AP1M1: variants seen among roughly 807,000 people sequenced by gnomAD.
AP1M1 encodes the protein AP-1 complex subunit mu-1.
In AP1M1, 18 loss-of-function variants were observed where a neutral mutation model predicts 57.1. That is an observed-to-expected ratio of 0.32 (90% CI 0.22 to 0.47). AP1M1 has a LOEUF of 0.47. Among genes scored for constraint, AP1M1 ranks in the 20% least tolerant of loss-of-function variants. The pLI is 1.00. For missense variants in AP1M1, 362 were observed against 593.5 expected, an observed-to-expected ratio of 0.61 and a Z score of 4.05; for synonymous variants, 241 against 237.9, an observed-to-expected ratio of 1.01 and a Z score of -0.12.
At chr19:16,205,982 G>A (rs2091467836) in intron 2 of AP1M1, among the ~76,000 whole-genome samples, 1 of 152,162 alleles carries the variant, frequency 6.6e-6, no homozygotes, top group Non-Finnish European at 1.5e-5. Flanking sequence ...AGCTTTGGAG[G>A]AGCAGGGCCA....
At chr19:16,226,683 T>TGTCTCAAGCAGTG in intron 6 of AP1M1, 136 bp downstream of exon 6, 2 of 1,103,922 alleles carry the variant, frequency 1.8e-6, no homozygotes, top group Non-Finnish European at 2.5e-6. Flanking sequence ...TTCACACTGC[T>TGTCTCAAGCAGTG]TGAGACAGCT....
At chr19:16,222,204 TATTA>T (rs2091547992) in intron 5 of AP1M1, among the ~76,000 whole-genome samples, 118 of 133,510 alleles carry the variant, frequency 8.8e-4, no homozygotes, top group Middle Eastern at 3.8e-3. Flanking sequence ...TTACTATTAT[TATTA>T]TTATTTTTTT....
At chr19:16,218,161 C>G (rs1229629823) in intron 5 of AP1M1, among the ~76,000 whole-genome samples, 1 of 152,256 alleles carries the variant, frequency 6.6e-6, no homozygotes, top group Non-Finnish European at 1.5e-5. Flanking sequence ...TCTGGGCGCA[C>G]TGCCCATGGG....
chr19:16,231,675 C>T (rs945538707), intron 9 of AP1M1, among the ~76,000 whole-genome samples: 2 of 152,176 alleles, frequency 1.3e-5, no homozygotes, highest in Non-Finnish European at 2.9e-5. Flanking sequence ...CTTCGGCCTC[C>T]CAAAGCACTG....
rs556098749 is a variant in AP1M1 at position 16,228,157 on chromosome 19, C to G, written c.837C>G (p.Ile279Met). 6.2e-7 allele frequency: 1 copy of G among 1,613,878 alleles called. No homozygotes were observed. Among genetic ancestry groups the G allele is most frequent in the East Asian group, 2.2e-5 (1 of 44,868 alleles). The change falls in exon 8 of 12, where the codon ATC (isoleucine) becomes ATG (methionine). Residue 279 changes from isoleucine (I) to methionine (M), a missense_variant. By Grantham distance (10) the Ile-to-Met change is conservative. Transcript: ENST00000291439. The surrounding 1 kb of genome is among the most constrained non-coding windows in gnomAD (Gnocchi z 5.0). The stretch of plus-strand genomic sequence containing the variant: ...GGCAGGTCAAGCCTTTGATATGGAT[C>G]GAGTCGGTGATCGAGAAGCACTCCC... Reference protein sequence around the residue: ...LNTHVKPLIWIESVIEKHSHS... With the variant: ...LNTHVKPLIWMESVIEKHSHS...
Position 16,214,052 on chromosome 19 carries a change from C to CTTTTTTTTTTTTTTTTTTT in AP1M1, c.546+4889_546+4890insTTTTTTTTTTTTTTTTTTT, listed in dbSNP as rs71178658. ...AGTAATGGCCTTTTCTTTCCTTTTTCTTTTTTTTTTTTTTGAGACAAAGTC... is the reference window on the plus strand; with the variant it reads ...AGTAATGGCCTTTTCTTTCCTTTTTCTTTTTTTTTTTTTTTTTTTTTTTTTTTTTTTTTGAGACAAAGTC... On this transcript the variant is annotated intron_variant, in intron 5 of 11. Coordinates refer to ENST00000291439, the MANE Select transcript of AP1M1 (RefSeq NM_032493.4). Among the ~76,000 whole-genome samples, 2 of 139,512 alleles carry CTTTTTTTTTTTTTTTTTTT rather than the reference C, an allele frequency of 1.4e-5. 1 individual carries two copies. Among genetic ancestry groups the CTTTTTTTTTTTTTTTTTTT allele is most frequent in the Non-Finnish European group, 3.1e-5 (2 of 65,322 alleles). 91.5% of individuals were successfully genotyped at this position (139,512 alleles called of 152,430 possible). A position where few individuals can be genotyped will look rare whatever the true frequency, so the allele number is the denominator to read the frequency against.
At chr19:16,220,319 A>G (rs1316918610) in intron 5 of AP1M1, among the ~76,000 whole-genome samples, 1 of 152,082 alleles carries the variant, frequency 6.6e-6, no homozygotes, top group Non-Finnish European at 1.5e-5. Context: ...TCAAGTGATC[A>G]TCCCGCCTCA....
intron 1 of AP1M1, 134 bp downstream of exon 1, chr19:16,198,202 A>G (rs2091432406): frequency 3.4e-6 from 3 of 892,178 alleles, no homozygotes; most frequent in Admixed American, 3.0e-5. Context: ...GGTAGACCTC[A>G]CCTGAGAGCC....
rs1020153572 is a variant in AP1M1 at position 16,227,227 on chromosome 19, G to A, written c.674-321G>A. On this transcript the variant is annotated intron_variant, in intron 6 of 11. Coordinates refer to ENST00000291439, the MANE Select transcript of AP1M1 (RefSeq NM_032493.4). The surrounding 1 kb of genome is among the most constrained non-coding windows in gnomAD (Gnocchi z 6.2). ...AGGGCCTGAGCCCTTGGGGAGCCCC[G>A]AGCCATCCCCCAGCCAAGTCCACTG... Among the ~76,000 whole-genome samples, 2 of 152,078 alleles carry A rather than the reference G, an allele frequency of 1.3e-5. No homozygotes were observed. Among genetic ancestry groups the A allele is most frequent in the African/African-American group, 4.8e-5 (2 of 41,418 alleles).
rs2091607944 is a variant in AP1M1, at chr19:16,233,520, C to T, written c.1075C>T (p.His359Tyr). The change falls in exon 10 of 12, where the codon CAC (histidine) becomes TAC (tyrosine). Residue 359 changes from histidine (H) to tyrosine (Y), a missense_variant. Around this residue, in one of 2 missense-constraint regions of AP1M1, gnomAD observed 337 missense variants for 511.1 expected, o/e 0.66. Coordinates refer to ENST00000291439, the MANE Select transcript of AP1M1 (RefSeq NM_032493.4). ...PGGKEYLMRA[H>Y]FGLPSVEAED... The stretch of plus-strand genomic sequence containing the variant: ...CGGCAAGGAGTACCTGATGCGGGCC[C>T]ACTTCGGCCTGCCTAGTGTGGAGGC... 1 of 1,605,190 alleles carries T rather than the reference C, an allele frequency of 6.2e-7. No homozygotes were observed.
rs898322217 is a variant in AP1M1, at chr19:16,242,407, A to T, written c.*7972A>T. 6.6e-6 allele frequency: 1 copy of T among 152,204 alleles called. No individual in the cohort carries two copies. The highest frequency in any genetic ancestry group is 6.5e-5 in the Admixed American group (1 of 15,280). 9.4% of individuals were successfully genotyped at this position (152,204 alleles called of 1,614,324 possible). A position where few individuals can be genotyped will look rare whatever the true frequency, so the allele number is the denominator to read the frequency against. On this transcript the variant is annotated 3_prime_UTR_variant, in exon 12 of 12. Coordinates refer to ENST00000291439, the MANE Select transcript of AP1M1 (RefSeq NM_032493.4). ...TAATAGTACTTAAAACTGCACTGGG[A>T]CTTTTGGGACACCCCTAGCATCTCT...
At chr19:16,226,388 G>T (rs2091571341) in intron 5 of AP1M1, 33 bp from the exon 6 acceptor site, 19 of 1,511,292 alleles carry the variant, frequency 1.3e-5, no homozygotes, top group Non-Finnish European at 1.7e-5. Flanking sequence ...GTGAGTTGGG[G>T]ACCTCCCCTC....
At chr19:16,226,789 C>A in intron 6 of AP1M1, 2 of 469,666 alleles carry the variant, frequency 4.3e-6, no homozygotes, top group South Asian at 3.3e-5. Flanking sequence ...GCCTCACACG[C>A]CAGGTCCTGC....
chr19:16,203,329 C>G lies in AP1M1; in HGVS notation c.43-130C>G, dbSNP rs1168660097. The G allele has an allele frequency of 7.8e-6, 7 of 896,892 alleles. No homozygotes were observed. The highest frequency in any genetic ancestry group is 5.2e-5 in the East Asian group (2 of 38,378). The allele number at this position is 896,892 out of a possible 1,614,324, so 55.6% of individuals were successfully genotyped here. On this transcript the variant is annotated intron_variant, in intron 1 of 11. Transcript: ENST00000291439. This position sits in a 1 kb window ranked among gnomAD's most constrained non-coding sequence, Gnocchi z 4.6. Reference sequence around the variant, plus strand: ...GATCAGAACGGCCTCAAGTCCTGCTCTTTTGCGGATAGTGGCCATGACCGG... The same window carrying G: ...GATCAGAACGGCCTCAAGTCCTGCTGTTTTGCGGATAGTGGCCATGACCGG...
Position 16,208,012 on chromosome 19 carries a change from G to A in AP1M1, c.268-7G>A, listed in dbSNP as rs774638038. ...CCCATTCCTCCCTCCCTCCCCAACC[G>A]CCACAGGTGTTTTCCGAGTACTTCA... is the stretch of plus-strand genomic sequence containing the variant. On this transcript the variant is annotated splice_polypyrimidine_tract_variant and splice_region_variant and intron_variant, in intron 3 of 11. Coordinates refer to ENST00000291439, the MANE Select transcript of AP1M1 (RefSeq NM_032493.4). 9.3e-6 allele frequency: 15 copies of A among 1,607,946 alleles called. No homozygotes were observed. The highest frequency in any genetic ancestry group is 8.9e-5 in the East Asian group (4 of 44,814).
chr19:16,234,409 C>T lies in AP1M1; in HGVS notation c.1250-4C>T. The T allele has an allele frequency of 3.7e-6, 6 of 1,613,954 alleles. No individual in the cohort carries two copies. The highest frequency in any genetic ancestry group is 5.1e-6 in the Non-Finnish European group (6 of 1,179,966). ...CAGCATGACGCCTCCCTCCTGTCTC[C>T]TAGATTACCAGCTCCGGACCCAGTG... On this transcript the variant is annotated splice_polypyrimidine_tract_variant and splice_region_variant and intron_variant, in intron 11 of 11. Transcript: ENST00000291439.
At chr19:16,232,546 T>G (rs1344458607) in intron 9 of AP1M1, among the ~76,000 whole-genome samples, 1 of 152,346 alleles carries the variant, frequency 6.6e-6, no homozygotes, top group East Asian at 1.9e-4. Context: ...GTTGCTGATG[T>G]CGCATCTTCC....
In AP1M1 at chr19:16,198,050, G is replaced by T; in HGVS notation, c.24G>T (p.Val8=). ...TCATGTCCGCCAGCGCCGTCTACGT[G>T]CTGGACCTGAAGGGCAAGGTACTGA... is the stretch of plus-strand genomic sequence containing the variant. MSASAVY[V]LDLKGKVLIC... The change falls in exon 1 of 12, where the codon GTG becomes GTT. Residue 8 remains valine (V), a synonymous_variant. Transcript: ENST00000291439. 6.3e-7 allele frequency: 1 copy of T among 1,586,338 alleles called. No homozygotes were observed. The highest frequency in any genetic ancestry group is 1.1e-5 in the South Asian group (1 of 89,292).
rs1041458494 is a variant in AP1M1, at chr19:16,243,951, T to A, written c.*9516T>A. ...AAACGAGAGTCTGTCTCCAAATAAATAATTAGAGAATATTTTTCAATCTGG... is the reference window on the plus strand; with the variant it reads ...AAACGAGAGTCTGTCTCCAAATAAAAAATTAGAGAATATTTTTCAATCTGG... On this transcript the variant is annotated 3_prime_UTR_variant, in exon 12 of 12. Transcript: ENST00000291439. The A allele has an allele frequency of 1.3e-5, 2 of 152,114 alleles. No homozygotes were observed. The highest frequency in any genetic ancestry group is 2.1e-4 in the South Asian group (1 of 4,818). The allele number at this position is 152,114 out of a possible 1,614,324, so 9.4% of individuals were successfully genotyped here.
Sources: gnomAD v4.1 joint callset for allele counts (sites outside exome capture counted in the v4.1 genomes callset) on GRCh38, gnomAD v4.1.1 for gene constraint, gnomAD v4.1.1 regional missense constraint, Gnocchi (gnomAD v3.1) non-coding constraint, MANE v1.5 for transcripts, NCBI Gene and HGNC (gene_info 2026-07-23, HGNC 2026-07-21) for gene names.